CDH1: variants seen among roughly 807,000 people sequenced by gnomAD.
The protein encoded by CDH1 is cadherin-1.
CDH1 carries 35 observed loss-of-function variants against 84.5 expected under a neutral mutation model. That is an observed-to-expected ratio of 0.41 (90% CI 0.32 to 0.55). CDH1 has a LOEUF of 0.55. CDH1 is among the 20% of genes least tolerant of loss of function. The probability of loss-of-function intolerance (pLI) is 0.19; values close to 1 mark genes in which losing one functional copy is unlikely to be tolerated. For synonymous variants in CDH1, 417 were observed against 439.0 expected, an observed-to-expected ratio of 0.95 and a Z score of 0.63; for missense variants, 994 against 1,126.6, an observed-to-expected ratio of 0.88 and a Z score of 1.68.
At chr16:68,787,870 G>C (rs1960103220) in intron 2 of CDH1, among the ~76,000 whole-genome samples, 1 of 140,700 alleles carries the variant, frequency 7.1e-6, no homozygotes, top group African/African-American at 2.7e-5. Context: ...TTGTTGCCCA[G>C]GCTGGAGTAC....
chr16:68,781,428 C>T (rs2152122027), intron 2 of CDH1, among the ~76,000 whole-genome samples: 1 of 152,232 alleles, frequency 6.6e-6, no homozygotes, highest in Non-Finnish European at 1.5e-5. Flanking sequence ...CAGCCTTGAC[C>T]TCCTGGGCTC....
At chr16:68,753,257 G>A (rs959917049) in intron 2 of CDH1, among the ~76,000 whole-genome samples, 41 of 148,448 alleles carry the variant, frequency 2.8e-4, no homozygotes, top group Admixed American at 6.7e-4. Flanking sequence ...ATCAGATCTC[G>A]GCCAAGATAA....
intron 2 of CDH1, among the ~76,000 whole-genome samples, chr16:68,779,833 C>A (rs184064342): frequency 6.6e-6 from 1 of 152,254 alleles, no homozygotes; most frequent in East Asian, 1.9e-4. Context: ...AGCCTGGCAA[C>A]AGATGAGTGC....
chr16:68,739,141 G>A (rs374176887), intron 2 of CDH1, among the ~76,000 whole-genome samples: 3 of 151,648 alleles, frequency 2.0e-5, no homozygotes, highest in Non-Finnish European at 2.9e-5. Flanking sequence ...TAGGCTGGGC[G>A]CAGTGGCTAA....
chr16:68,817,572 A>G (rs114000904), intron 10 of CDH1, among the ~76,000 whole-genome samples: 184 of 152,234 alleles, frequency 1.2e-3, no homozygotes, highest in African/African-American at 4.2e-3. Context: ...CAAGTGATCA[A>G]AGTTATCAAT....
intron 15 of CDH1, among the ~76,000 whole-genome samples, chr16:68,832,871 C>T (rs1961521979): frequency 1.3e-5 from 2 of 152,078 alleles, no homozygotes; most frequent in Admixed American, 6.6e-5. Context: ...AGTTCCCACA[C>T]CCCCACTCCC....
At position 68,834,066 on chromosome 16, in the gene CDH1, T is replaced by G. The variant is rs1217998994; in HGVS notation, c.*567T>G. On this transcript the variant is annotated 3_prime_UTR_variant, in exon 16 of 16. Coordinates refer to ENST00000261769, the MANE Select transcript of CDH1 (RefSeq NM_004360.5). ...TGTCCTCCCAGGCTCAAGCTATCCT[T>G]GCACCTCAGCCTCCCAAGTAGCTGG... 5.2e-6 allele frequency: 2 copies of G among 382,254 alleles called. No homozygotes were observed. The allele number at this position is 382,254 out of a possible 1,614,324, so 23.7% of individuals were successfully genotyped here.
rs549579183 is a variant in CDH1 at position 68,812,205 on chromosome 16, C to T, written c.1079C>T (p.Thr360Ile). Residue 360 changes from threonine to isoleucine, a missense_variant, in exon 8 of 16, where the codon ACA becomes ATA. Transcript: ENST00000261769. Reference protein sequence around the residue: ...LQGEGLSTTATAVITVTDTND... With the variant: ...LQGEGLSTTAIAVITVTDTND... ...GGTGAGGGGTTAAGCACAACAGCAA[C>T]AGCTGTGATCACAGTCACTGACACC... 1 of 1,613,824 alleles carries T rather than the reference C, an allele frequency of 6.2e-7. No individual in the cohort carries two copies. Among genetic ancestry groups the T allele is most frequent in the Non-Finnish European group, 8.5e-7 (1 of 1,179,654 alleles).
chr16:68,792,608 G>A (rs187634645), intron 2 of CDH1, among the ~76,000 whole-genome samples: 152 of 152,298 alleles, frequency 1.0e-3, no homozygotes, highest in Non-Finnish European at 1.8e-3. Context: ...GGCGTTTGCC[G>A]TCAGAGAAGG....
intron 2 of CDH1, among the ~76,000 whole-genome samples, chr16:68,777,233 G>A (rs572918326): frequency 3.3e-5 from 5 of 152,180 alleles, no homozygotes; most frequent in Non-Finnish European, 7.4e-5. Flanking sequence ...ACGGGCTCTG[G>A]GGCCAGACGG....
rs199844049 is a variant in CDH1 at position 68,803,185 on chromosome 16, T to A, written c.387+1292T>A. Among the ~76,000 whole-genome samples, 64 of 152,314 alleles carry A rather than the reference T, an allele frequency of 4.2e-4. No homozygotes were observed. In the East Asian group the frequency reaches 9.3e-3, roughly 22 times the overall value. On this transcript the variant is annotated intron_variant, in intron 3 of 15. Coordinates refer to ENST00000261769, the MANE Select transcript of CDH1 (RefSeq NM_004360.5). ...GGCATCTTCTTTTCTCGCTGAAGACTCTTGATATTCTTGGAACTTAATGGT... is the reference window on the plus strand; with the variant it reads ...GGCATCTTCTTTTCTCGCTGAAGACACTTGATATTCTTGGAACTTAATGGT...
chr16:68,802,461 G>C (rs956215481), intron 3 of CDH1, among the ~76,000 whole-genome samples: 4 of 152,002 alleles, frequency 2.6e-5, no homozygotes, highest in African/African-American at 9.7e-5. Context: ...ATGAATGAGA[G>C]CTGGATTCTT....
rs57767164 is a variant in CDH1, at chr16:68,763,899, G to A, written c.163+25488G>A. Among the ~76,000 whole-genome samples the A allele has an allele frequency of 6.2e-3, 951 of 152,292 alleles. 12 individuals are homozygous for A. The highest frequency in any genetic ancestry group is 0.022 in the African/African-American group (900 of 41,560). ...GCATTTTAAAATAAGCCCATCCTGT[G>A]CTGGAACTGGTGGTCCCTGGATCCC... On this transcript the variant is annotated intron_variant, in intron 2 of 15. Transcript: ENST00000261769.
chr16:68,818,533 C>CTTT (rs869272949), intron 10 of CDH1, among the ~76,000 whole-genome samples: 2,164 of 123,306 alleles, frequency 0.018, 39 homozygotes, highest in Middle Eastern at 0.11. Context: ...TCTTGGTTTT[C>CTTT]TTTTTTTTTT....
In CDH1 at chr16:68,835,142, A is replaced by G; in HGVS notation, c.*1643A>G. ...ATTCAAAATTCCAAATTTTTTTCTT[A>G]GGAGCAAGAAGAAAATGTGGCCCTA... On this transcript the variant is annotated 3_prime_UTR_variant, in exon 16 of 16. Coordinates refer to ENST00000261769, the MANE Select transcript of CDH1 (RefSeq NM_004360.5). 1 of 231,474 alleles carries G rather than the reference A, an allele frequency of 4.3e-6. No homozygotes were observed. 14.3% of individuals were successfully genotyped at this position (231,474 alleles called of 1,614,324 possible).
rs1340821734 is a variant in CDH1 at position 68,833,946 on chromosome 16, G to C, written c.*447G>C. On this transcript the variant is annotated 3_prime_UTR_variant, in exon 16 of 16. Coordinates refer to ENST00000261769, the MANE Select transcript of CDH1 (RefSeq NM_004360.5). ...TGTGCTTCTGCTCATTACTACACTGGTGTGTCCCTCTGCCTTTTTTTTTTT... is the reference window on the plus strand; with the variant it reads ...TGTGCTTCTGCTCATTACTACACTGCTGTGTCCCTCTGCCTTTTTTTTTTT... 8.7e-6 allele frequency: 3 copies of C among 344,110 alleles called. No homozygotes were observed. Among genetic ancestry groups the C allele is most frequent in the Non-Finnish European group, 1.6e-5 (3 of 184,942 alleles). The allele number at this position is 344,110 out of a possible 1,614,324, so 21.3% of individuals were successfully genotyped here. A position where few individuals can be genotyped will look rare whatever the true frequency, so the allele number is the denominator to read the frequency against.
At chr16:68,761,590 A>G (rs1279650037) in intron 2 of CDH1, among the ~76,000 whole-genome samples, 1 of 152,152 alleles carries the variant, frequency 6.6e-6, no homozygotes, top group East Asian at 1.9e-4. Flanking sequence ...TCAATGTGCA[A>G]AATATTTAGA....
At chr16:68,747,453 GT>G (rs1213438236) in intron 2 of CDH1, among the ~76,000 whole-genome samples, 10 of 152,066 alleles carry the variant, frequency 6.6e-5, no homozygotes, top group Non-Finnish European at 1.5e-4. Flanking sequence ...TAAAAAATAA[GT>G]TTAAATATAC....
intron 2 of CDH1, among the ~76,000 whole-genome samples, chr16:68,762,186 C>T (rs1481763943): frequency 2.6e-5 from 4 of 152,192 alleles, no homozygotes; most frequent in Admixed American, 2.6e-4. Flanking sequence ...ACTGGGGACA[C>T]CTCCCAGTGT....
Sources: allele counts gnomAD v4.1 joint callset (sites outside exome capture counted in the v4.1 genomes callset), GRCh38; gene constraint gnomAD v4.1.1; transcripts MANE v1.5; gene names NCBI Gene and HGNC (gene_info 2026-07-23, HGNC 2026-07-21).